The following CTNNA3 variants were observed in gnomAD, a reference collection of about 807,000 sequenced individuals.
CTNNA3 encodes the protein catenin alpha 3.
In CTNNA3, 76 loss-of-function variants were observed where a neutral mutation model predicts 95.7. The observed-to-expected ratio is 0.79, with a 90% confidence interval of 0.66 to 0.96. CTNNA3 has a LOEUF of 0.96. Ranked by LOEUF, CTNNA3 falls within the 40% of genes least tolerant of loss-of-function variation. The pLI, the probability that CTNNA3 is intolerant of heterozygous loss-of-function variation, is 0.00. For missense variants in CTNNA3, 1,191 were observed against 1,089.8 expected (o/e 1.09, Z -1.31); for synonymous variants, 431 against 374.4 (o/e 1.15, Z -1.74).
intron 7 of CTNNA3, among the ~76,000 whole-genome samples, chr10:67,057,924 C>T (rs1244718803): frequency 1.3e-5 from 2 of 152,148 alleles, no homozygotes; most frequent in Non-Finnish European, 2.9e-5. Context: ...AGGTAATGCT[C>T]TCAAGGATAT....
chr10:65,953,547 C>T (rs1251702646), intron 17 of CTNNA3, among the ~76,000 whole-genome samples: 1 of 152,046 alleles, frequency 6.6e-6, no homozygotes, highest in Non-Finnish European at 1.5e-5. Context: ...CCACCCACCC[C>T]ATGACAGGCC....
At chr10:67,703,346 C>G (rs573159188) in intron 1 of CTNNA3, among the ~76,000 whole-genome samples, 2 of 152,222 alleles carry the variant, frequency 1.3e-5, no homozygotes, top group Admixed American at 1.3e-4. Flanking sequence ...AGACCAATAT[C>G]CTTGATGAAC....
intron 10 of CTNNA3, among the ~76,000 whole-genome samples, chr10:66,594,959 T>C (rs1195561421): frequency 6.6e-6 from 1 of 152,192 alleles, no homozygotes; most frequent in African/African-American, 2.4e-5. Flanking sequence ...ATCTGGCACA[T>C]ATAAGAACTA....
chr10:66,547,343 C>CTATTTTTTTTTTTTTTTTTTT (rs1842068247), intron 10 of CTNNA3, among the ~76,000 whole-genome samples: 2 of 83,132 alleles, frequency 2.4e-5, no homozygotes, highest in Non-Finnish European at 4.3e-5. Flanking sequence ...ATTTTTCTTT[C>CTATTTTTTTTTTTTTTTTTTT]TTTCTTTTTT....
chr10:66,588,939 G>C (rs1843453958), intron 10 of CTNNA3, among the ~76,000 whole-genome samples: 1 of 133,284 alleles, frequency 7.5e-6, no homozygotes, highest in Non-Finnish European at 1.6e-5. Context: ...GCCAACATCA[G>C]TTAAAGTGCC....
In CTNNA3 at chr10:66,540,380, C is replaced by G. The variant is rs1264809744; in HGVS notation, c.1375-19607G>C. Among the ~76,000 whole-genome samples the G allele has an allele frequency of 4.6e-5, 7 of 152,214 alleles. No homozygotes were observed. The East Asian group carries it at 1.3e-3, about 29-fold the overall frequency. On this transcript the variant is annotated intron_variant, in intron 10 of 17. Coordinates refer to ENST00000433211, the MANE Select transcript of CTNNA3 (RefSeq NM_013266.4). Reference sequence around the variant, plus strand: ...ACTTCTCAGAAAGTTAGATGGTTATCTGTGAGATGAGCAGAAACTGAGGGA... The same window carrying G: ...ACTTCTCAGAAAGTTAGATGGTTATGTGTGAGATGAGCAGAAACTGAGGGA...
chr10:67,743,925 C>T (rs963881655), intron 1 of CTNNA3, among the ~76,000 whole-genome samples: 7 of 150,994 alleles, frequency 4.6e-5, no homozygotes, highest in African/African-American at 7.3e-5. Flanking sequence ...GAATAAAATA[C>T]CTAGGAATCC....
chr10:66,094,298 T>C (rs957807599), intron 14 of CTNNA3, among the ~76,000 whole-genome samples: 57 of 151,948 alleles, frequency 3.8e-4, no homozygotes, highest in African/African-American at 1.4e-3. Context: ...ATAATGCAAA[T>C]GAGAGCAGAC....
At chr10:67,668,463 TAA>T (rs1840370613) in intron 1 of CTNNA3, among the ~76,000 whole-genome samples, 1 of 152,170 alleles carries the variant, frequency 6.6e-6, no homozygotes, top group African/African-American at 2.4e-5. Flanking sequence ...GTTTAATTTA[TAA>T]GTTAGGCAAG....
At chr10:67,716,441 T>C (rs565263617) in intron 1 of CTNNA3, among the ~76,000 whole-genome samples, 3 of 152,266 alleles carry the variant, frequency 2.0e-5, no homozygotes, top group South Asian at 2.1e-4. Context: ...TTATCTACAT[T>C]AGGTATTTCT....
intron 7 of CTNNA3, among the ~76,000 whole-genome samples, chr10:66,891,755 A>G (rs1278020767): frequency 6.6e-6 from 1 of 152,180 alleles, no homozygotes; most frequent in Non-Finnish European, 1.5e-5. Context: ...ACAAATGTAG[A>G]GTGTGATTGT....
chr10:65,974,907 AT>A (rs1211242853), intron 16 of CTNNA3, among the ~76,000 whole-genome samples: 9 of 152,112 alleles, frequency 5.9e-5, no homozygotes, highest in Admixed American at 5.2e-4. Context: ...ATAAAATGTT[AT>A]TTTTTAAAGC....
chr10:66,781,354 A>T (rs1840529159), intron 7 of CTNNA3, among the ~76,000 whole-genome samples: 2 of 152,182 alleles, frequency 1.3e-5, no homozygotes, highest in Non-Finnish European at 2.9e-5. Flanking sequence ...CTCTAAAGAA[A>T]TTGCTTGAAA....
At chr10:66,270,870 G>A (rs2091266362) in intron 13 of CTNNA3, among the ~76,000 whole-genome samples, 1 of 152,150 alleles carries the variant, frequency 6.6e-6, no homozygotes, top group Non-Finnish European at 1.5e-5. Flanking sequence ...GCAGGCCAAT[G>A]TGTCTGAATC....
At chr10:66,354,156 C>A (rs189721275) in intron 12 of CTNNA3, among the ~76,000 whole-genome samples, 1 of 151,822 alleles carries the variant, frequency 6.6e-6, no homozygotes, top group African/African-American at 2.4e-5. Context: ...TGGTGGCGGG[C>A]GCCTGTAATC....
At chr10:67,499,195 T>C (rs1330748197) in intron 5 of CTNNA3, among the ~76,000 whole-genome samples, 1 of 151,940 alleles carries the variant, frequency 6.6e-6, no homozygotes, top group Non-Finnish European at 1.5e-5. Flanking sequence ...GAGATATTCA[T>C]GGGTTTTGTC....
At chr10:65,958,978 C>T (rs1311992076) in intron 17 of CTNNA3, among the ~76,000 whole-genome samples, 3 of 152,212 alleles carry the variant, frequency 2.0e-5, no homozygotes, top group African/African-American at 4.8e-5. Context: ...TCAGCTATGC[C>T]CTGCCCCCAG....
chr10:67,385,066 T>C lies in CTNNA3; in HGVS notation c.579+136776A>G, dbSNP rs762214377. On this transcript the variant is annotated intron_variant, in intron 5 of 17. Transcript: ENST00000433211. ...ACTTTGTTGCTTCTTTCAATGTGAATGCTACCAAAAAAGGGCCTATTTTGA... is the reference window on the plus strand; with the variant it reads ...ACTTTGTTGCTTCTTTCAATGTGAACGCTACCAAAAAAGGGCCTATTTTGA... 5.3e-5 allele frequency among the ~76,000 whole-genome samples: 8 copies of C among 152,242 alleles called. No individual in the cohort carries two copies. The South Asian group carries it at 1.7e-3, about 32-fold the overall frequency.
chr10:67,338,026 G>A (rs1051964852), intron 5 of CTNNA3, among the ~76,000 whole-genome samples: 1 of 152,102 alleles, frequency 6.6e-6, no homozygotes, highest in Non-Finnish European at 1.5e-5. Flanking sequence ...TAAAGAGAGG[G>A]AGACCTAGGA....
Sources: allele counts gnomAD v4.1 joint callset (sites outside exome capture counted in the v4.1 genomes callset), GRCh38; gene constraint gnomAD v4.1.1; transcripts MANE v1.5; gene names NCBI Gene and HGNC (gene_info 2026-07-23, HGNC 2026-07-21).